The following SORCS1 variants were observed in gnomAD, a reference collection of about 807,000 sequenced individuals.
SORCS1 encodes VPS10 domain-containing receptor SorCS1.
Under a neutral mutation model 146.1 loss-of-function variants are expected in SORCS1, and 60 were observed. That is an observed-to-expected ratio of 0.41 (90% confidence interval 0.33 to 0.51). SORCS1 has a LOEUF of 0.51. Ranked by LOEUF, SORCS1 falls within the 20% of genes least tolerant of loss-of-function variation. SORCS1 has a pLI of 0.21. For synonymous variants in SORCS1, 637 were observed against 584.0 expected (o/e 1.09, Z -1.31); for missense variants, 1,352 against 1,487.6 (o/e 0.91, Z 1.50).
At chr10:106,922,147 A>T (rs1952745939) in intron 2 of SORCS1, among the ~76,000 whole-genome samples, 1 of 152,222 alleles carries the variant, frequency 6.6e-6, no homozygotes, top group Admixed American at 6.5e-5. Context: ...TTAGGAAAGA[A>T]TGAAAGGGAT....
chr10:107,033,143 A>G (rs1203134051), intron 1 of SORCS1, among the ~76,000 whole-genome samples: 1 of 152,202 alleles, frequency 6.6e-6, no homozygotes, highest in African/African-American at 2.4e-5. Flanking sequence ...GGCAAAGGAG[A>G]AACAAGCACA....
At chr10:106,761,784 C>A in intron 4 of SORCS1, 123 bp from the exon 5 acceptor site, 1 of 780,900 alleles carries the variant, frequency 1.3e-6, no homozygotes, top group Non-Finnish European at 2.1e-6. Context: ...CTGCCATATA[C>A]AAGGTGAGTG....
intron 3 of SORCS1, among the ~76,000 whole-genome samples, chr10:106,798,733 T>C (rs1241038701): frequency 6.6e-6 from 1 of 152,206 alleles, no homozygotes; most frequent in East Asian, 1.9e-4. Context: ...TTGTGAATAG[T>C]GCCGCAATAA....
At chr10:106,918,543 C>G (rs1342827355) in intron 2 of SORCS1, among the ~76,000 whole-genome samples, 1 of 151,642 alleles carries the variant, frequency 6.6e-6, no homozygotes, top group Non-Finnish European at 1.5e-5. Context: ...TCTCACCAAA[C>G]AGTATGCATA....
upstream of SORCS1, among the ~76,000 whole-genome samples, chr10:107,168,825 T>C (rs1176251427): frequency 6.6e-6 from 1 of 152,160 alleles, no homozygotes; most frequent in Non-Finnish European, 1.5e-5. Flanking sequence ...TGTTCTTGAT[T>C]TTATGAAATA....
rs1039055956 is a variant in SORCS1 at position 106,824,564 on chromosome 10, G to A, written c.726+5010C>T. Among the ~76,000 whole-genome samples, 15 of 150,606 alleles carry A rather than the reference G, an allele frequency of 1.0e-4. No individual in the cohort carries two copies. The East Asian group carries it at 1.4e-3, about 14-fold the overall frequency. On this transcript the variant is annotated intron_variant, in intron 3 of 25. Coordinates refer to ENST00000263054, the MANE Select transcript of SORCS1 (RefSeq NM_052918.5). ...AGATTGTGCCACTGCACTCCAGCCT[G>A]GGCAATAGAGTGAGACTTCATCTCA...
intron 2 of SORCS1, among the ~76,000 whole-genome samples, chr10:106,925,546 T>C (rs761316060): frequency 6.6e-6 from 1 of 152,210 alleles, no homozygotes; most frequent in South Asian, 2.1e-4. Flanking sequence ...CAAAGTCAGA[T>C]TGAGTCTCTC....
intron 2 of SORCS1, among the ~76,000 whole-genome samples, chr10:106,935,359 A>G (rs1953658504): frequency 6.6e-6 from 1 of 152,208 alleles, no homozygotes; most frequent in African/African-American, 2.4e-5. Context: ...AACTTGGTGG[A>G]GATAATATTC....
At chr10:106,794,814 CT>C (rs1946473294) in intron 3 of SORCS1, among the ~76,000 whole-genome samples, 1 of 152,008 alleles carries the variant, frequency 6.6e-6, no homozygotes, top group African/African-American at 2.4e-5. Flanking sequence ...TCATTGTTTC[CT>C]TTTCTTAAAA....
At chr10:107,141,467 T>G (rs772873426) in intron 1 of SORCS1, among the ~76,000 whole-genome samples, 1 of 150,304 alleles carries the variant, frequency 6.7e-6, no homozygotes, top group Non-Finnish European at 1.5e-5. Flanking sequence ...TGGACTATTT[T>G]TCAAAAAGGT....
intron 6 of SORCS1, among the ~76,000 whole-genome samples, chr10:106,721,899 G>C (rs143366446): frequency 2.0e-3 from 298 of 152,212 alleles, no homozygotes; most frequent in African/African-American, 6.3e-3. Context: ...AAATATAGTT[G>C]ACTTTATAAT....
chr10:106,806,736 C>G (rs1397810388), intron 3 of SORCS1, among the ~76,000 whole-genome samples: 1 of 151,720 alleles, frequency 6.6e-6, no homozygotes, highest in Non-Finnish European at 1.5e-5. Flanking sequence ...AGGATGGTCT[C>G]CACCTCCTGA....
At chr10:107,016,606 A>C (rs1957908713) in intron 1 of SORCS1, among the ~76,000 whole-genome samples, 1 of 152,268 alleles carries the variant, frequency 6.6e-6, no homozygotes, top group South Asian at 2.1e-4. Context: ...AATCTTTGTG[A>C]CCTTGGAGTA....
intron 4 of SORCS1, among the ~76,000 whole-genome samples, chr10:106,773,191 G>T (rs1005860681): frequency 6.6e-6 from 1 of 152,182 alleles, no homozygotes; most frequent in African/African-American, 2.4e-5. Flanking sequence ...AGTGACATTA[G>T]CAGCTGTCAC....
chr10:106,713,839 G>A (rs79146676), intron 6 of SORCS1, among the ~76,000 whole-genome samples: 5,458 of 152,088 alleles, frequency 0.036, 290 homozygotes, highest in African/African-American at 0.12. Flanking sequence ...TCTATCTAAG[G>A]TTCAAACAGA....
At chr10:106,907,907 A>T (rs1172805175) in intron 2 of SORCS1, among the ~76,000 whole-genome samples, 1 of 152,098 alleles carries the variant, frequency 6.6e-6, no homozygotes, top group Non-Finnish European at 1.5e-5. Context: ...AAAAAAAAAA[A>T]AATTACATCA....
At chr10:106,679,231 G>T (rs763120796) in intron 12 of SORCS1, 25 bp downstream of exon 12, 3 of 1,584,204 alleles carry the variant, frequency 1.9e-6, no homozygotes, top group South Asian at 2.3e-5. Context: ...AAACTTCAGC[G>T]ATTTGACCCA....
chr10:106,772,279 G>T (rs1860077809), intron 4 of SORCS1, among the ~76,000 whole-genome samples: 2 of 152,080 alleles, frequency 1.3e-5, no homozygotes, highest in African/African-American at 4.8e-5. Context: ...TGGTTCTCAG[G>T]ACTTTGGACT....
intron 1 of SORCS1, among the ~76,000 whole-genome samples, chr10:106,996,983 T>C (rs1268017422): frequency 1.3e-5 from 2 of 152,244 alleles, no homozygotes; most frequent in Admixed American, 1.3e-4. Context: ...TTTCTCTTCA[T>C]TTAGGGAAAA....
Sources: gnomAD v4.1 joint callset for allele counts (sites outside exome capture counted in the v4.1 genomes callset) on GRCh38, gnomAD v4.1.1 for gene constraint, MANE v1.5 for transcripts, NCBI Gene and HGNC (gene_info 2026-07-23, HGNC 2026-07-21) for gene names.